DOK7: variants seen among roughly 807,000 people sequenced by gnomAD.
DOK7 encodes the protein protein Dok-7.
Under a neutral mutation model 30.7 loss-of-function variants are expected in DOK7, and 32 were observed. The ratio of observed to expected loss-of-function variants is 1.04; its 90% confidence interval spans 0.79 to 1.40. The LOEUF is 1.40. DOK7 is among the 40% of genes most tolerant of loss of function. DOK7 has a pLI of 0.00. For synonymous variants in DOK7, 447 were observed against 324.1 expected (o/e 1.38, Z -4.07); for missense variants, 1,007 against 699.2 (o/e 1.44, Z -4.97).
chr4:3,482,756 G>A (rs1473342977), intron 4 of DOK7, among the ~76,000 whole-genome samples: 1 of 152,238 alleles, frequency 6.6e-6, no homozygotes, highest in Non-Finnish European at 1.5e-5. Context: ...GGGCAGGGGG[G>A]CGGTCAGCAG....
exon 8 of DOK7, chr4:3,500,893 G>C (rs559275403): frequency 1.9e-4 from 272 of 1,464,870 alleles, no homozygotes; most frequent in Non-Finnish European, 2.2e-4. Context: ...CGGCAGGCCA[G>C]CCCCTTCTGT....
At chr4:3,487,854 G>C (rs1727913855) in intron 5 of DOK7, among the ~76,000 whole-genome samples, 1 of 152,238 alleles carries the variant, frequency 6.6e-6, no homozygotes, top group Admixed American at 6.5e-5. Context: ...ATGTCCCAGG[G>C]CTGAGGGGCA....
chr4:3,501,122 A>T (rs2858017), exon 8 of DOK7: 1 of 453,704 alleles, frequency 2.2e-6, no homozygotes. Flanking sequence ...CTGCTGTGGC[A>T]TCTCAGGCAG....
At chr4:3,490,348 T>C (rs1454862613) in intron 6 of DOK7, among the ~76,000 whole-genome samples, 5 of 71,070 alleles carry the variant, frequency 7.0e-5, no homozygotes, top group African/African-American at 2.4e-4. Flanking sequence ...TCCTTCCTTT[T>C]CCCCACACTC....
In DOK7 at chr4:3,494,234, T is replaced by G; in HGVS notation, c.*733T>G. On this transcript the variant is annotated 3_prime_UTR_variant, in exon 7 of 7. Transcript: ENST00000340083. ...AGCTCTGCTGGCTCCTGTCTGAACCTCCTCGCAGGGCCAAAGGCTGGCTTG... is the reference window on the plus strand; with the variant it reads ...AGCTCTGCTGGCTCCTGTCTGAACCGCCTCGCAGGGCCAAAGGCTGGCTTG... 1.0e-6 allele frequency: 1 copy of G among 985,504 alleles called. No homozygotes were observed. The highest frequency in any genetic ancestry group is 5.2e-4 in the Middle Eastern group (1 of 1,914). The allele number at this position is 985,504 out of a possible 1,614,324, so 61.0% of individuals were successfully genotyped here. A position where few individuals can be genotyped will look rare whatever the true frequency, so the allele number is the denominator to read the frequency against.
intron 4 of DOK7, among the ~76,000 whole-genome samples, chr4:3,479,053 A>C (rs570151927): frequency 6.6e-6 from 1 of 152,246 alleles, no homozygotes; most frequent in East Asian, 1.9e-4. Flanking sequence ...AGTGTCCAGA[A>C]CGGGTTCCTT....
At chr4:3,495,820 C>T (rs1392286528), downstream of DOK7, among the ~76,000 whole-genome samples, 1 of 152,184 alleles carries the variant, frequency 6.6e-6, no homozygotes, top group Non-Finnish European at 1.5e-5. Context: ...GGGAGGGGCC[C>T]TCTCAGGAGC....
chr4:3,489,736 A>G lies in DOK7; in HGVS notation c.712A>G (p.Thr238Ala). The change falls in exon 6 of 7, where the codon ACC becomes GCC. Residue 238 changes from threonine (T) to alanine (A), a missense_variant. Coordinates refer to ENST00000340083, the MANE Select transcript of DOK7 (RefSeq NM_173660.5). Reference protein sequence around the residue: ...EERVAQEALETLQLEKRLSLL... With the variant: ...EERVAQEALEALQLEKRLSLL... ...GCGTGTGGCCCAGGAAGCCCTGGAAACCCTACAGCTGGAGAAGCGGCTGAG... is the reference window on the plus strand; with the variant it reads ...GCGTGTGGCCCAGGAAGCCCTGGAAGCCCTACAGCTGGAGAAGCGGCTGAG... 3 of 1,568,518 alleles carry G rather than the reference A, an allele frequency of 1.9e-6. No homozygotes were observed. The highest frequency in any genetic ancestry group is 2.6e-6 in the Non-Finnish European group (3 of 1,156,812).
rs1366900661 is a variant in DOK7 at position 3,492,769 on chromosome 4, C to A, written c.783C>A (p.Arg261=). The change falls in exon 7 of 7, where the codon CGC becomes CGA. Residue 261 remains arginine, a synonymous_variant. Coordinates refer to ENST00000340083, the MANE Select transcript of DOK7 (RefSeq NM_173660.5). The part of the protein sequence containing the change: ...AGRPGSGGDD[R]SLSSSSSEAS... The stretch of plus-strand genomic sequence containing the variant: ...CCTGCTCTGTCTCAGGGGATGACCG[C>A]AGCCTGTCCAGCTCATCCTCAGAGG... 6.2e-7 allele frequency: 1 copy of A among 1,612,718 alleles called. No homozygotes were observed. Among genetic ancestry groups the A allele is most frequent in the Admixed American group, 1.7e-5 (1 of 60,004 alleles).
chr4:3,493,463 C>G lies in DOK7; in HGVS notation c.1477C>G (p.Pro493Ala), dbSNP rs748438470. 7.7e-5 allele frequency: 124 copies of G among 1,610,586 alleles called. No individual in the cohort carries two copies. Among genetic ancestry groups the G allele is most frequent in the Non-Finnish European group, 9.8e-5 (116 of 1,179,148 alleles). The stretch of plus-strand genomic sequence containing the variant: ...ACCCCCGGCTTTCTTTTCGGCATGT[C>G]CAGTCTGTGGAGGACTCAAGGTAAA... ...GPPPAFFSAC[P>A]VCGGLKVNPP... The change falls in exon 7 of 7, where the codon CCA (proline) becomes GCA (alanine). Residue 493 changes from proline to alanine, a missense_variant. By Grantham distance (27) the Pro-to-Ala change is conservative (BLOSUM62 -1). Coordinates refer to ENST00000340083, the MANE Select transcript of DOK7 (RefSeq NM_173660.5).
In DOK7 at chr4:3,463,455, G is replaced by GC; in HGVS notation, c.54+26_54+27insC. The GC allele has an allele frequency of 3.5e-6, 5 of 1,412,560 alleles. No homozygotes were observed. The East Asian group carries it at 8.8e-5, about 25-fold the overall frequency. 87.5% of individuals were successfully genotyped at this position (1,412,560 alleles called of 1,614,324 possible). On this transcript the variant is annotated intron_variant, in intron 1 of 6. Coordinates refer to ENST00000340083, the MANE Select transcript of DOK7 (RefSeq NM_173660.5). ...GTCGGGGCGCGTCGGGGGCGCGGGG[G>GC]GGGGGGGCGCGGGCGCGGGCGGCGG...
intron 5 of DOK7, among the ~76,000 whole-genome samples, chr4:3,486,158 G>C (rs1036594027): frequency 2.6e-5 from 4 of 152,134 alleles, no homozygotes; most frequent in Non-Finnish European, 4.4e-5. Flanking sequence ...GGACACGTTG[G>C]GCTGAGGGGG....
intron 4 of DOK7, among the ~76,000 whole-genome samples, chr4:3,483,395 G>A (rs537656687): frequency 6.6e-6 from 1 of 152,272 alleles, no homozygotes; most frequent in South Asian, 2.1e-4. Context: ...TAGTCGTGCG[G>A]TGTCCTGGGA....
intron 4 of DOK7, among the ~76,000 whole-genome samples, chr4:3,478,497 G>A (rs1170591226): frequency 8.0e-5 from 7 of 87,572 alleles, no homozygotes; most frequent in Non-Finnish European, 1.4e-4. Flanking sequence ...CTGCAAACCA[G>A]GCTGGCCCCA....
rs367905935 is a variant in DOK7 at position 3,478,367 on chromosome 4, A to G, written c.532+1825A>G. Among the ~76,000 whole-genome samples the G allele has an allele frequency of 2.0e-5, 3 of 152,294 alleles. No individual in the cohort carries two copies. The South Asian group carries it at 6.2e-4, about 32-fold the overall frequency. ...CACACCTGGGGCTGTGCTTCTCCCC[A>G]GGGCGAGGCTACTGTGCCGTTTTCC... On this transcript the variant is annotated intron_variant, in intron 4 of 6. Coordinates refer to ENST00000340083, the MANE Select transcript of DOK7 (RefSeq NM_173660.5).
chr4:3,470,369 G>C (rs548786763), intron 2 of DOK7, among the ~76,000 whole-genome samples: 4 of 152,232 alleles, frequency 2.6e-5, no homozygotes, highest in Admixed American at 2.6e-4. Flanking sequence ...CTTGCTGGGG[G>C]CCACGCTCAG....
At chr4:3,476,079 G>A (rs1284164626) in intron 3 of DOK7, among the ~76,000 whole-genome samples, 1 of 143,524 alleles carries the variant, frequency 7.0e-6, no homozygotes, top group African/African-American at 2.7e-5. Context: ...GCCTCCTCCC[G>A]AGATGCCCTC....
chr4:3,496,751 G>A (rs974631338), downstream of DOK7: 147 of 1,511,558 alleles, frequency 9.7e-5, no homozygotes, highest in Admixed American at 2.3e-4. Context: ...CCTTGTTCTC[G>A]GTGGCCCCCC....
intron 6 of DOK7, 113 bp from the exon 7 acceptor site, chr4:3,492,646 G>A: frequency 6.8e-7 from 1 of 1,463,950 alleles, no homozygotes; most frequent in Non-Finnish European, 9.3e-7. Flanking sequence ...GGGGCTGGAA[G>A]GGGTGGGGCG....
Sources: gnomAD v4.1 joint callset for allele counts (sites outside exome capture counted in the v4.1 genomes callset) on GRCh38, gnomAD v4.1.1 for gene constraint, MANE v1.5 for transcripts, NCBI Gene and HGNC (gene_info 2026-07-23, HGNC 2026-07-21) for gene names.